The following FSTL5 variants were observed in gnomAD, a reference collection of about 807,000 sequenced individuals.
The protein encoded by FSTL5 is follistatin like 5.
A neutral mutation model predicts 89.1 loss-of-function variants in FSTL5; 62 were observed. The ratio of observed to expected loss-of-function variants is 0.70; its 90% CI spans 0.57 to 0.86. The LOEUF (loss-of-function observed/expected upper bound fraction) is 0.86. FSTL5 is among the 40% of genes least tolerant of loss of function. The pLI is 0.00. For missense variants in FSTL5, 1,057 were observed against 1,001.6 expected (o/e 1.06, Z -0.75); for synonymous variants, 383 against 346.2 (o/e 1.11, Z -1.18).
chr4:161,470,283 G>A (rs1196606900), intron 13 of FSTL5, among the ~76,000 whole-genome samples: 1 of 152,002 alleles, frequency 6.6e-6, no homozygotes, highest in Non-Finnish European at 1.5e-5. Flanking sequence ...ATGGTGTTAT[G>A]TAAGGTTCCA....
chr4:161,920,504 A>C lies in FSTL5; in HGVS notation c.309T>G (p.Ser103=), dbSNP rs1438592753. ...AGTGGTTTTCATAGAATTCTCCGTCAGATCCACACACAGGTTTGTAGTGAC... is the reference window on the plus strand; with the variant it reads ...AGTGGTTTTCATAGAATTCTCCGTCCGATCCACACACAGGTTTGTAGTGAC... ...CKRHYKPVCG[S]DGEFYENHCE... is the part of the protein sequence containing the mutation. The change falls in exon 4 of 16, where the codon TCT becomes TCG. Residue 103 remains serine (S), a synonymous_variant. Transcript: ENST00000306100. 1 of 1,613,876 alleles carries C rather than the reference A, an allele frequency of 6.2e-7. No individual in the cohort carries two copies. Among genetic ancestry groups the C allele is most frequent in the Non-Finnish European group, 8.5e-7 (1 of 1,179,956 alleles).
chr4:161,416,342 C>CGT lies in FSTL5; in HGVS notation c.1842-29894_1842-29893insAC, dbSNP rs200099954. 4.6e-4 allele frequency among the ~76,000 whole-genome samples: 70 copies of CGT among 152,244 alleles called. 1 individual carries two copies. The East Asian group carries it at 0.011, about 24-fold the overall frequency. On this transcript the variant is annotated intron_variant, in intron 15 of 15. Transcript: ENST00000306100. The stretch of plus-strand genomic sequence containing the variant: ...TTTAATTTATTTGTGCCATTAACAA[C>CGT]TTTAAAATAGTCATAATATATCTTT...
intron 4 of FSTL5, among the ~76,000 whole-genome samples, chr4:161,863,881 AG>A (rs1350682535): frequency 6.6e-6 from 1 of 152,188 alleles, no homozygotes; most frequent in East Asian, 1.9e-4. Flanking sequence ...TGAGGCTGAC[AG>A]GCTAACAAAT....
At chr4:161,463,888 A>G (rs1028750876) in intron 13 of FSTL5, among the ~76,000 whole-genome samples, 6 of 152,190 alleles carry the variant, frequency 3.9e-5, no homozygotes, top group African/African-American at 1.4e-4. Context: ...TCCCTTTGCA[A>G]TATCTCTACT....
Position 161,454,478 on chromosome 4 carries a change from A to G in FSTL5, c.1841+526T>C, listed in dbSNP as rs528993093. On this transcript the variant is annotated intron_variant, in intron 15 of 15. Transcript: ENST00000306100. ...ACACTAACATCTTTTCTCAAAGTGC[A>G]GACCTGAAACATTTCATTTCAACTT... 2.6e-5 allele frequency among the ~76,000 whole-genome samples: 4 copies of G among 152,304 alleles called. No individual in the cohort carries two copies. The East Asian group carries it at 7.7e-4, about 29-fold the overall frequency.
intron 6 of FSTL5, among the ~76,000 whole-genome samples, chr4:161,732,732 T>C (rs1165241874): frequency 6.6e-6 from 1 of 152,010 alleles, no homozygotes; most frequent in African/African-American, 2.4e-5. Context: ...TTATTTGTTC[T>C]AGTATCTTCT....
chr4:161,992,779 C>T (rs1252200671), intron 3 of FSTL5, among the ~76,000 whole-genome samples: 3 of 144,684 alleles, frequency 2.1e-5, no homozygotes, highest in South Asian at 4.4e-4. Context: ...GGGAGTTGGA[C>T]GTTGCAGTGA....
At chr4:161,836,271 A>T (rs1382213578) in intron 4 of FSTL5, among the ~76,000 whole-genome samples, 3 of 134,196 alleles carry the variant, frequency 2.2e-5, no homozygotes, top group Non-Finnish European at 4.6e-5. Context: ...AGATGGACAC[A>T]GGAAGGGGAA....
chr4:161,412,239 A>G (rs752937267), intron 15 of FSTL5, among the ~76,000 whole-genome samples: 67 of 152,170 alleles, frequency 4.4e-4, no homozygotes, highest in Non-Finnish European at 1.3e-4. Context: ...GGAAGAATCA[A>G]TGTCATAAAA....
chr4:161,800,260 T>C (rs2126828476), intron 4 of FSTL5, among the ~76,000 whole-genome samples: 1 of 151,580 alleles, frequency 6.6e-6, no homozygotes, highest in East Asian at 1.9e-4. Flanking sequence ...ATGGGATAAA[T>C]ATAGTTATAC....
chr4:161,811,245 A>T (rs945916970), intron 4 of FSTL5, among the ~76,000 whole-genome samples: 1 of 152,130 alleles, frequency 6.6e-6, no homozygotes, highest in Non-Finnish European at 1.5e-5. Flanking sequence ...CAGAGTGCCA[A>T]AGGAGGAATG....
intron 15 of FSTL5, among the ~76,000 whole-genome samples, chr4:161,424,008 C>G (rs563409377): frequency 6.7e-6 from 1 of 149,000 alleles, no homozygotes; most frequent in Non-Finnish European, 1.5e-5. Flanking sequence ...AGGTGCCTGC[C>G]AGCACGCCCA....
At chr4:162,150,651 A>G (rs1252751694) in intron 1 of FSTL5, among the ~76,000 whole-genome samples, 1 of 152,166 alleles carries the variant, frequency 6.6e-6, no homozygotes, top group African/African-American at 2.4e-5. Context: ...ATTTTTACTC[A>G]ACAAAATCAT....
chr4:161,567,085 T>C (rs1732843228), intron 8 of FSTL5, among the ~76,000 whole-genome samples: 2 of 152,242 alleles, frequency 1.3e-5, no homozygotes, highest in African/African-American at 2.4e-5. Flanking sequence ...CAGTCATAAC[T>C]TGTGATCACT....
At chr4:161,891,102 CATT>C (rs543312495) in intron 4 of FSTL5, among the ~76,000 whole-genome samples, 47 of 152,130 alleles carry the variant, frequency 3.1e-4, no homozygotes, top group African/African-American at 1.0e-3. Flanking sequence ...ACTATTGTCA[CATT>C]ATTATTTGTA....
At chr4:161,465,549 G>C (rs190121088) in intron 13 of FSTL5, among the ~76,000 whole-genome samples, 6 of 151,950 alleles carry the variant, frequency 3.9e-5, no homozygotes, top group Non-Finnish European at 5.9e-5. Context: ...AGTTTCCCAA[G>C]CAGCTACAGA....
At chr4:161,738,782 C>A (rs1739906214) in intron 6 of FSTL5, among the ~76,000 whole-genome samples, 1 of 152,088 alleles carries the variant, frequency 6.6e-6, no homozygotes, top group Non-Finnish European at 1.5e-5. Flanking sequence ...CAAAATAAAC[C>A]TTTGCTTATT....
At position 161,690,419 on chromosome 4, in the gene FSTL5, T is replaced by C. The variant is rs535074437; in HGVS notation, c.728-33925A>G. Among the ~76,000 whole-genome samples the C allele has an allele frequency of 6.6e-5, 10 of 152,272 alleles. No homozygotes were observed. The South Asian group carries it at 2.1e-3, about 32-fold the overall frequency. The stretch of plus-strand genomic sequence containing the variant: ...CTTTAATAGCAAATAATGCTCAGCA[T>C]ATTTTTATATGCTTGTTGACTATTT... On this transcript the variant is annotated intron_variant, in intron 6 of 15. Transcript: ENST00000306100.
chr4:161,810,263 T>C (rs1366712595), intron 4 of FSTL5, among the ~76,000 whole-genome samples: 1 of 152,154 alleles, frequency 6.6e-6, no homozygotes, highest in African/African-American at 2.4e-5. Context: ...CTATGAAGTA[T>C]ATAGCCTAAG....
Sources: allele counts gnomAD v4.1 joint callset (sites outside exome capture counted in the v4.1 genomes callset), GRCh38; gene constraint gnomAD v4.1.1; transcripts MANE v1.5; gene names NCBI Gene and HGNC (gene_info 2026-07-23, HGNC 2026-07-21).